The following TNFRSF19 variants were observed in gnomAD, a reference collection of about 807,000 sequenced individuals.
TNFRSF19 encodes the protein tumor necrosis factor receptor superfamily member 19.
Under a neutral mutation model 46.4 loss-of-function variants are expected in TNFRSF19, and 27 were observed. That is an observed-to-expected ratio of 0.58 (90% CI 0.43 to 0.80). The LOEUF is 0.80. TNFRSF19 is among the 30% of genes least tolerant of loss of function. The pLI is 0.00. For synonymous variants in TNFRSF19, 204 were observed against 205.0 expected (o/e 1.00, Z 0.04); for missense variants, 511 against 530.8 (o/e 0.96, Z 0.37).
intron 5 of TNFRSF19, among the ~76,000 whole-genome samples, chr13:23,647,971 C>A (rs1883426940): frequency 6.6e-6 from 1 of 152,076 alleles, no homozygotes; most frequent in African/African-American, 2.4e-5. Context: ...CCACACCACC[C>A]CCCCTTTTTT....
intron 5 of TNFRSF19, among the ~76,000 whole-genome samples, chr13:23,646,174 G>A (rs1197125527): frequency 6.6e-6 from 1 of 152,218 alleles, no homozygotes; most frequent in South Asian, 2.1e-4. Context: ...TCCCTCCCCG[G>A]TCAGCGGGCA....
rs186460872 is a variant in TNFRSF19, at chr13:23,581,271, G to A, written c.-34-8879G>A. 5.3e-5 allele frequency among the ~76,000 whole-genome samples: 8 copies of A among 151,836 alleles called. No individual in the cohort carries two copies. In the South Asian group the frequency reaches 6.2e-4, roughly 12 times the overall value. ...CGCCATTCTCCTGCCTCAGCCTCCC[G>A]AGTAGCTGGGACTACAGGCGCCCGC... On this transcript the variant is annotated intron_variant, in intron 1 of 9. Transcript: ENST00000248484.
At chr13:23,580,080 T>G (rs1413377912) in intron 1 of TNFRSF19, among the ~76,000 whole-genome samples, 1 of 152,196 alleles carries the variant, frequency 6.6e-6, no homozygotes, top group Non-Finnish European at 1.5e-5. Context: ...GAGTAGAGCC[T>G]GTGATAGATT....
At chr13:23,604,061 C>G (rs9550994) in intron 3 of TNFRSF19, among the ~76,000 whole-genome samples, 51,287 of 151,668 alleles carry the variant, frequency 0.34, 9,070 homozygotes, top group East Asian at 0.54. Flanking sequence ...AAGAAATAAA[C>G]TTCTCCTTGT....
At chr13:23,617,827 C>T (rs1385987248) in intron 4 of TNFRSF19, among the ~76,000 whole-genome samples, 1 of 152,206 alleles carries the variant, frequency 6.6e-6, no homozygotes, top group Non-Finnish European at 1.5e-5. Flanking sequence ...GATCACCTAA[C>T]CTGTGTGTGG....
Position 23,675,519 on chromosome 13 carries a change from A to T in TNFRSF19, c.*2139A>T, listed in dbSNP as rs988877112. On this transcript the variant is annotated 3_prime_UTR_variant, in exon 10 of 10. Coordinates refer to ENST00000248484, the MANE Select transcript of TNFRSF19 (RefSeq NM_148957.4). ...GATTTCATTTGCTACTGAATTTGGT[A>T]AATCCTGGGTAACTTTTATCAAGAT... 1 of 152,210 alleles carries T rather than the reference A, an allele frequency of 6.6e-6. No individual in the cohort carries two copies. Among genetic ancestry groups the T allele is most frequent in the Non-Finnish European group, 1.5e-5 (1 of 68,034 alleles). The allele number at this position is 152,210 out of a possible 1,614,324, so 9.4% of individuals were successfully genotyped here.
intron 3 of TNFRSF19, among the ~76,000 whole-genome samples, chr13:23,594,789 G>A (rs1277827596): frequency 6.6e-6 from 1 of 152,202 alleles, no homozygotes; most frequent in Admixed American, 6.5e-5. Context: ...CTCCTCAAGT[G>A]GGTCGCTGAC....
intron 9 of TNFRSF19, among the ~76,000 whole-genome samples, chr13:23,671,740 T>G (rs1205879654): frequency 2.0e-5 from 3 of 152,172 alleles, no homozygotes; most frequent in African/African-American, 7.2e-5. Context: ...ATAAAGAATT[T>G]GATTTTAGGC....
intron 7 of TNFRSF19, 35 bp downstream of exon 7, chr13:23,660,525 G>A: frequency 6.2e-7 from 1 of 1,602,980 alleles, no homozygotes; most frequent in South Asian, 1.1e-5. Flanking sequence ...TAGGAGGACT[G>A]GAGGTACACA....
intron 3 of TNFRSF19, among the ~76,000 whole-genome samples, chr13:23,612,103 G>A (rs1458766791): frequency 6.6e-6 from 1 of 152,212 alleles, no homozygotes; most frequent in Non-Finnish European, 1.5e-5. Context: ...GTGTGTAATA[G>A]TTTTTCAGTA....
At chr13:23,600,534 C>CA (rs1331130508) in intron 3 of TNFRSF19, among the ~76,000 whole-genome samples, 4 of 152,040 alleles carry the variant, frequency 2.6e-5, no homozygotes, top group South Asian at 2.1e-4. Flanking sequence ...CAAAACAAAA[C>CA]AAAAAAATCC....
chr13:23,606,362 A>ATT (rs1880513099), intron 3 of TNFRSF19, among the ~76,000 whole-genome samples: 10 of 145,188 alleles, frequency 6.9e-5, no homozygotes, highest in East Asian at 6.1e-4. Flanking sequence ...ATTTTTTTAA[A>ATT]AAAAAAGACC....
At chr13:23,621,397 G>A (rs1046493482) in intron 4 of TNFRSF19, among the ~76,000 whole-genome samples, 5 of 152,188 alleles carry the variant, frequency 3.3e-5, no homozygotes, top group Admixed American at 2.6e-4. Context: ...CCACCAAGGT[G>A]CTAGCAAGAG....
At chr13:23,658,774 A>G (rs886625151) in intron 5 of TNFRSF19, among the ~76,000 whole-genome samples, 3 of 152,244 alleles carry the variant, frequency 2.0e-5, no homozygotes, top group Non-Finnish European at 4.4e-5. Flanking sequence ...GTGGAGCTGA[A>G]GGCAGATTCT....
At chr13:23,571,787 T>TCA (rs767553179) in intron 1 of TNFRSF19, among the ~76,000 whole-genome samples, 11 of 151,028 alleles carry the variant, frequency 7.3e-5, no homozygotes, top group South Asian at 2.1e-4. Flanking sequence ...ACACTCACGC[T>TCA]CACACACACA....
At chr13:23,643,203 A>T (rs575129443) in intron 5 of TNFRSF19, among the ~76,000 whole-genome samples, 2 of 152,354 alleles carry the variant, frequency 1.3e-5, no homozygotes, top group African/African-American at 2.4e-5. Flanking sequence ...ATAAAGTAGC[A>T]TCTAAGAACT....
At position 23,626,731 on chromosome 13, in the gene TNFRSF19, C is replaced by T. The variant is rs1049795365; in HGVS notation, c.384C>T (p.Val128=). Reference sequence around the variant, plus strand: ...GATTTTATAGGAAGACGAAACTTGTCGGCTTTCAAGACATGGAGTGTGTGC... The same window carrying T: ...GATTTTATAGGAAGACGAAACTTGTTGGCTTTCAAGACATGGAGTGTGTGC... The part of the protein sequence containing the change: ...LPGFYRKTKL[V]GFQDMECVPC... Residue 128 remains valine, a synonymous_variant, in exon 5 of 10, where the codon GTC becomes GTT. Transcript: ENST00000248484. 17 of 1,614,090 alleles carry T rather than the reference C, an allele frequency of 1.1e-5. No homozygotes were observed. The highest frequency in any genetic ancestry group is 4.5e-5 in the East Asian group (2 of 44,878).
At chr13:23,608,897 TC>T (rs1880698619) in intron 3 of TNFRSF19, among the ~76,000 whole-genome samples, 4 of 152,128 alleles carry the variant, frequency 2.6e-5, no homozygotes, top group Non-Finnish European at 5.9e-5. Context: ...CTGTCCTTCT[TC>T]CTCTGAGCTA....
chr13:23,621,624 T>C lies in TNFRSF19; in HGVS notation c.360-5083T>C, dbSNP rs576928511. Among the ~76,000 whole-genome samples, 13 of 152,308 alleles carry C rather than the reference T, an allele frequency of 8.5e-5. No individual in the cohort carries two copies. In the South Asian group the frequency reaches 1.0e-3, roughly 12 times the overall value. Reference sequence around the variant, plus strand: ...AGTCTACAGCCAGATTTTTTTAAAATAGCAGTTTTCAAACACTGTGTTCAT... The same window carrying C: ...AGTCTACAGCCAGATTTTTTTAAAACAGCAGTTTTCAAACACTGTGTTCAT... On this transcript the variant is annotated intron_variant, in intron 4 of 9. Coordinates refer to ENST00000248484, the MANE Select transcript of TNFRSF19 (RefSeq NM_148957.4).
Sources: allele counts gnomAD v4.1 joint callset (sites outside exome capture counted in the v4.1 genomes callset), GRCh38; gene constraint gnomAD v4.1.1; transcripts MANE v1.5; gene names NCBI Gene and HGNC (gene_info 2026-07-23, HGNC 2026-07-21).